Variants in KIF6 observed in about 807,000 individuals in gnomAD.
KIF6 encodes the protein kinesin-like protein KIF6.
In KIF6, 106 loss-of-function variants were observed where a neutral mutation model predicts 112.7. That is an observed-to-expected ratio of 0.94 (90% CI 0.80 to 1.11). KIF6 has a LOEUF of 1.11. Ranked by LOEUF, KIF6 falls within the 50% of genes least tolerant of loss-of-function variation. The pLI is 0.00. For synonymous variants in KIF6, 339 were observed against 339.9 expected, an observed-to-expected ratio of 1.00 and a Z score of 0.03; for missense variants, 929 against 964.0, an observed-to-expected ratio of 0.96 and a Z score of 0.48.
intron 13 of KIF6, among the ~76,000 whole-genome samples, chr6:39,524,910 C>T (rs891121447): frequency 3.3e-5 from 5 of 152,166 alleles, no homozygotes; most frequent in Non-Finnish European, 7.4e-5. Flanking sequence ...TCAAAATAAT[C>T]CACTGGCAAA....
chr6:39,678,017 GCATGATTTATGCAGCCAAAAAACA>G (rs1233579620), intron 3 of KIF6, among the ~76,000 whole-genome samples: 1 of 150,352 alleles, frequency 6.7e-6, no homozygotes, highest in African/African-American at 2.4e-5. Context: ...CTTTATAGCA[GCATGATTTATGCAGCCAAAAAACA>G]CATGAAGAAA....
intron 10 of KIF6, among the ~76,000 whole-genome samples, chr6:39,569,693 CCTCT>C (rs1200061350): frequency 2.6e-5 from 4 of 152,168 alleles, no homozygotes; most frequent in African/African-American, 4.8e-5. Context: ...TAAAATCTTT[CCTCT>C]CTGTTTCCTC....
intron 13 of KIF6, among the ~76,000 whole-genome samples, chr6:39,526,355 A>G (rs1218858591): frequency 1.3e-5 from 2 of 151,230 alleles, no homozygotes; most frequent in Non-Finnish European, 2.9e-5. Flanking sequence ...GACTGAATGG[A>G]ATACTTTTTT....
At chr6:39,584,641 G>C (rs113708427) in intron 9 of KIF6, among the ~76,000 whole-genome samples, 2 of 151,928 alleles carry the variant, frequency 1.3e-5, no homozygotes, top group East Asian at 3.9e-4. Flanking sequence ...GATTGCCTGC[G>C]TGTGAAGCCT....
intron 13 of KIF6, among the ~76,000 whole-genome samples, chr6:39,437,646 T>C (rs1331309313): frequency 6.6e-6 from 1 of 152,194 alleles, no homozygotes; most frequent in African/African-American, 2.4e-5. Context: ...CCCCAGTACA[T>C]GTCACCATGC....
chr6:39,343,803 C>T lies in KIF6; in HGVS notation c.2334G>A (p.Arg778=). ...CGGTGAGAGGGATGGACGACACTGG[C>T]CTCTTGGGGATGCTGGAGGCAACCA... ...STPLEDSIPK[R]PVSSIPLTGD... The change falls in exon 22 of 23, where the codon AGG becomes AGA. Residue 778 remains arginine (R), a synonymous_variant. Transcript: ENST00000287152. The surrounding 1 kb of genome is among the most constrained non-coding windows in gnomAD (Gnocchi z 4.1). The T allele has an allele frequency of 6.2e-7, 1 of 1,603,778 alleles. No homozygotes were observed. The highest frequency in any genetic ancestry group is 8.5e-7 in the Non-Finnish European group (1 of 1,175,874).
intron 3 of KIF6, among the ~76,000 whole-genome samples, chr6:39,650,609 C>G (rs1785419805): frequency 6.6e-6 from 1 of 151,490 alleles, no homozygotes; most frequent in African/African-American, 2.4e-5. Context: ...AATATTTTTC[C>G]TATGATCCTT....
At chr6:39,364,271 C>T (rs1340438901) in intron 16 of KIF6, among the ~76,000 whole-genome samples, 1 of 152,024 alleles carries the variant, frequency 6.6e-6, no homozygotes, top group East Asian at 1.9e-4. Context: ...ATGGTGCACA[C>T]CACCACGCCC....
At chr6:39,512,099 A>T (rs184817528) in intron 13 of KIF6, among the ~76,000 whole-genome samples, 22 of 152,350 alleles carry the variant, frequency 1.4e-4, no homozygotes, top group Admixed American at 5.2e-4. Flanking sequence ...ATGATTAAAA[A>T]TTTTTAAAAA....
intron 10 of KIF6, among the ~76,000 whole-genome samples, chr6:39,545,987 C>T (rs1460523336): frequency 6.6e-6 from 1 of 152,174 alleles, no homozygotes; most frequent in Non-Finnish European, 1.5e-5. Flanking sequence ...CTGTGCCTGG[C>T]TGCTGCATTG....
chr6:39,641,993 C>T (rs1024620747), intron 3 of KIF6, among the ~76,000 whole-genome samples: 3 of 152,062 alleles, frequency 2.0e-5, no homozygotes, highest in African/African-American at 7.2e-5. Flanking sequence ...TACAATTAAA[C>T]GTTAAATAAG....
rs576514353 is a variant in KIF6, at chr6:39,441,603, C to T, written c.1646-10442G>A. Among the ~76,000 whole-genome samples the T allele has an allele frequency of 6.6e-5, 10 of 152,176 alleles. No individual in the cohort carries two copies. The South Asian group carries it at 2.1e-3, about 32-fold the overall frequency. On this transcript the variant is annotated intron_variant, in intron 13 of 22. Transcript: ENST00000287152. ...CCAGCTACAATTTGAGGGGTTGCTG[C>T]GCTGGTACCGCAGGGTATGAAATCT...
Position 39,725,256 on chromosome 6 carries a change from G to A in KIF6, c.55C>T (p.His19Tyr). Residue 19 changes from histidine (H) to tyrosine (Y), a missense_variant, in exon 1 of 23, where the codon CAC (histidine) becomes TAC (tyrosine). Physicochemically the swap from His to Tyr is moderately conservative, Grantham distance 83. Around this residue, in one of 2 missense-constraint regions of KIF6, gnomAD observed 688 missense variants for 662.7 expected, o/e 1.04. Coordinates refer to ENST00000287152, the MANE Select transcript of KIF6 (RefSeq NM_145027.6). ...GCTCCAGCCCGTACCCCTTGTTGGT[G>A]CTTCCGGACAGGGGGCTTCACCCTC... ...FARVKPPVRK[H>Y]QQGIYSIDED... The A allele has an allele frequency of 1.9e-6, 3 of 1,609,764 alleles. No individual in the cohort carries two copies. The highest frequency in any genetic ancestry group is 1.1e-5 in the South Asian group (1 of 90,410).
At chr6:39,701,490 A>G (rs1355983087) in intron 3 of KIF6, among the ~76,000 whole-genome samples, 3 of 152,242 alleles carry the variant, frequency 2.0e-5, no homozygotes, top group Non-Finnish European at 1.5e-5. Flanking sequence ...CTGGAGCATA[A>G]CAACTTGCGT....
At chr6:39,678,635 C>T (rs567405411) in intron 3 of KIF6, among the ~76,000 whole-genome samples, 64 of 152,232 alleles carry the variant, frequency 4.2e-4, no homozygotes, top group South Asian at 1.9e-3. Context: ...CCAAATCAAA[C>T]GAACCAACAA....
At chr6:39,368,216 C>T (rs966345968) in intron 16 of KIF6, among the ~76,000 whole-genome samples, 4 of 152,186 alleles carry the variant, frequency 2.6e-5, no homozygotes, top group African/African-American at 4.8e-5. Context: ...CTGCCTGCAT[C>T]GGGCCCTTGT....
intron 8 of KIF6, among the ~76,000 whole-genome samples, chr6:39,585,425 C>T (rs190709324): frequency 6.6e-6 from 1 of 152,266 alleles, no homozygotes; most frequent in Non-Finnish European, 1.5e-5. Flanking sequence ...GCAGCTCAGC[C>T]CCTAATAGGC....
chr6:39,571,236 G>C (rs1052793733), intron 10 of KIF6, among the ~76,000 whole-genome samples: 6 of 151,996 alleles, frequency 3.9e-5, no homozygotes, highest in African/African-American at 1.5e-4. Flanking sequence ...TCATTAACAA[G>C]ATCTCTCAGA....
intron 3 of KIF6, among the ~76,000 whole-genome samples, chr6:39,689,033 A>G (rs1163739708): frequency 6.6e-6 from 1 of 152,140 alleles, no homozygotes; most frequent in Admixed American, 6.6e-5. Flanking sequence ...TGGGAGGATC[A>G]CTGAAGCCCA....
Sources: gnomAD v4.1 joint callset for allele counts (sites outside exome capture counted in the v4.1 genomes callset) on GRCh38, gnomAD v4.1.1 for gene constraint, gnomAD v4.1.1 regional missense constraint, Gnocchi (gnomAD v3.1) non-coding constraint, MANE v1.5 for transcripts, NCBI Gene and HGNC (gene_info 2026-07-23, HGNC 2026-07-21) for gene names.